The following SLC22A5 variants were observed in gnomAD, a reference collection of about 807,000 sequenced individuals.
SLC22A5 encodes organic cation/carnitine transporter 2.
A neutral mutation model predicts 56.7 loss-of-function variants in SLC22A5; 44 were observed. The observed-to-expected ratio is 0.78, with a 90% confidence interval of 0.61 to 1.00. The LOEUF is 1.00. SLC22A5 is among the 50% of genes least tolerant of loss of function. The pLI is 0.00. For missense variants in SLC22A5, 675 were observed against 723.0 expected (o/e 0.93, Z 0.76); for synonymous variants, 278 against 292.1 (o/e 0.95, Z 0.49).
chr5:132,390,361 T>C (rs755847974), intron 6 of SLC22A5: 1 of 392,574 alleles, frequency 2.5e-6, no homozygotes. Flanking sequence ...GAGGTTCAGC[T>C]TAGGATTTTT....
intron 7 of SLC22A5, among the ~76,000 whole-genome samples, chr5:132,391,160 C>G (rs2126790191): frequency 6.6e-6 from 1 of 152,312 alleles, no homozygotes; most frequent in South Asian, 2.1e-4. Flanking sequence ...TGTGCTCATA[C>G]TGTTTTCCAC....
rs1254099888 is a variant in SLC22A5 at position 132,370,253 on chromosome 5, C to T, written c.281C>T (p.Ala94Val). ...YRLATIANFS[A>V]LGLEPGRDVD... ...CTCGCCACCATCGCCAACTTCTCGG[C>T]GCTTGGGCTGGAGCCGGGGCGCGAC... is the stretch of plus-strand genomic sequence containing the variant. The change falls in exon 1 of 10, where the codon GCG becomes GTG. Residue 94 changes from alanine to valine, a missense_variant. Physicochemically the swap from Ala to Val is moderately conservative, Grantham distance 64. Coordinates refer to ENST00000245407, the MANE Select transcript of SLC22A5 (RefSeq NM_003060.4). The T allele has an allele frequency of 6.3e-7, 1 of 1,580,786 alleles. No homozygotes were observed.
intron 1 of SLC22A5, chr5:132,377,831 C>A: frequency 3.3e-6 from 1 of 307,052 alleles, no homozygotes; most frequent in East Asian, 6.9e-5. Flanking sequence ...ATCAGGGATT[C>A]CAGCTCTAAA....
chr5:132,378,272 A>C lies in SLC22A5; in HGVS notation c.394-106A>C, dbSNP rs934602941. 9.9e-6 allele frequency: 16 copies of C among 1,613,480 alleles called. No individual in the cohort carries two copies. The African/African-American group carries it at 1.9e-4, about 19-fold the overall frequency. On this transcript the variant is annotated intron_variant, in intron 1 of 9. Transcript: ENST00000245407. ...CCTGACTAAGTGAGTTCACACTCAG[A>C]GCGTGTGGGGATGGCAGGATGTTCT...
intron 1 of SLC22A5, among the ~76,000 whole-genome samples, chr5:132,371,033 G>A (rs995114654): frequency 1.3e-5 from 2 of 148,620 alleles, no homozygotes; most frequent in Non-Finnish European, 3.0e-5. Context: ...TGCAACCTTC[G>A]CAGTCGTGCG....
intron 1 of SLC22A5, among the ~76,000 whole-genome samples, chr5:132,373,367 T>C (rs951884744): frequency 3.3e-5 from 5 of 152,346 alleles, no homozygotes; most frequent in African/African-American, 1.2e-4. Context: ...CAGGGCGTGG[T>C]GGCTCACGCC....
intron 3 of SLC22A5, among the ~76,000 whole-genome samples, chr5:132,384,678 A>G (rs1285591418): frequency 6.6e-6 from 1 of 152,202 alleles, no homozygotes; most frequent in African/African-American, 2.4e-5. Context: ...TTGGAGGAGG[A>G]GGGGCTGTGA....
At chr5:132,370,691 G>A (rs1217806756) in intron 1 of SLC22A5, among the ~76,000 whole-genome samples, 1 of 152,220 alleles carries the variant, frequency 6.6e-6, no homozygotes, top group African/African-American at 2.4e-5. Flanking sequence ...TACTCTAGTT[G>A]GGGTTGGGGG....
chr5:132,378,635 A>G (rs961066310), intron 2 of SLC22A5, 154 bp downstream of exon 2: 4 of 673,080 alleles, frequency 5.9e-6, no homozygotes, highest in Non-Finnish European at 1.1e-5. Flanking sequence ...CTCCATGCCT[A>G]GTAAGAAGAG....
At position 132,392,530 on chromosome 5, in the gene SLC22A5, C is replaced by T. The variant is rs755301306; in HGVS notation, c.1365C>T (p.Pro455=). Residue 455 remains proline, a synonymous_variant, in exon 8 of 10, where the codon CCC becomes CCT. Transcript: ENST00000245407. ...ACGTGTACACAGCCGAGCTGTATCC[C>T]ACAGTGGTGAGAAACATGGGTGTGG... ...MVYVYTAELY[P]TVVRNMGVGV... is the part of the protein sequence containing the mutation. 1.2e-6 allele frequency: 2 copies of T among 1,614,126 alleles called. 1 individual carries two copies.
At chr5:132,393,421 C>G (rs1365443789) in intron 8 of SLC22A5, among the ~76,000 whole-genome samples, 1 of 152,206 alleles carries the variant, frequency 6.6e-6, no homozygotes, top group African/African-American at 2.4e-5. Context: ...TGGCCCAGCT[C>G]TTCTACTGCA....
chr5:132,386,247 T>C (rs980135977), intron 4 of SLC22A5, among the ~76,000 whole-genome samples: 8 of 151,892 alleles, frequency 5.3e-5, no homozygotes, highest in Admixed American at 3.9e-4. Context: ...CTTTTTTTTT[T>C]CTCAGACAAA....
chr5:132,371,152 A>T (rs943866367), intron 1 of SLC22A5, among the ~76,000 whole-genome samples: 1 of 152,096 alleles, frequency 6.6e-6, no homozygotes, highest in Non-Finnish European at 1.5e-5. Context: ...TTTTTAGTAG[A>T]GACGGGGTTT....
rs140331558 is a variant in SLC22A5, at chr5:132,369,718, C to A, written c.-255C>A. 2.3e-6 allele frequency: 1 copy of A among 440,236 alleles called. No homozygotes were observed. Among genetic ancestry groups the A allele is most frequent in the Non-Finnish European group, 3.9e-6 (1 of 256,356 alleles). 27.3% of individuals were successfully genotyped at this position (440,236 alleles called of 1,614,324 possible). On this transcript the variant is annotated 5_prime_UTR_variant, in exon 1 of 10. Transcript: ENST00000245407. ...CGTCCCGCCCCAGCTCCGCCTTCGCCGGCGCCGCTCTGCCTGCCAGCGGGG... is the reference window on the plus strand; with the variant it reads ...CGTCCCGCCCCAGCTCCGCCTTCGCAGGCGCCGCTCTGCCTGCCAGCGGGG...
chr5:132,374,254 G>A (rs1197315987), intron 1 of SLC22A5, among the ~76,000 whole-genome samples: 1 of 151,760 alleles, frequency 6.6e-6, no homozygotes, highest in East Asian at 1.9e-4. Context: ...AAACTTCCAA[G>A]CTGCTCTGCA....
chr5:132,384,014 C>G (rs1752437308), intron 2 of SLC22A5, 133 bp from the exon 3 acceptor site: 2 of 881,848 alleles, frequency 2.3e-6, no homozygotes, highest in East Asian at 4.9e-5. Context: ...CGAGACTGTC[C>G]CTGGCAGCCA....
chr5:132,390,999 C>T, intron 7 of SLC22A5, 95 bp downstream of exon 7: 1 of 985,914 alleles, frequency 1.0e-6, no homozygotes, highest in Non-Finnish European at 1.6e-6. Context: ...AAATCAAGCC[C>T]ATCACAGCTC....
chr5:132,384,634 G>A (rs887099998), intron 3 of SLC22A5, among the ~76,000 whole-genome samples: 40 of 152,228 alleles, frequency 2.6e-4, no homozygotes, highest in African/African-American at 9.6e-4. Context: ...CCACTGCACA[G>A]GGCTGAGCCA....
At chr5:132,387,811 C>A (rs1327745258) in intron 5 of SLC22A5, 1 of 159,510 alleles carries the variant, frequency 6.3e-6, no homozygotes, top group African/African-American at 2.4e-5. Context: ...CCTTCCCGTT[C>A]CCTCTCCTAC....
Sources: gnomAD v4.1 joint callset for allele counts (sites outside exome capture counted in the v4.1 genomes callset) on GRCh38, gnomAD v4.1.1 for gene constraint, MANE v1.5 for transcripts, NCBI Gene and HGNC (gene_info 2026-07-23, HGNC 2026-07-21) for gene names.